The following CLDN5 variants were observed in gnomAD, a reference collection of about 807,000 sequenced individuals.
The protein encoded by CLDN5 is claudin 5, also known as claudin-5.
CLDN5 carries 4 observed loss-of-function variants against 1.3 expected under a neutral mutation model. That is an observed-to-expected ratio of 3.07 (90% confidence interval 1.51 to 7.03). The LOEUF (loss-of-function observed/expected upper bound fraction) is 7.03, where lower values mean the gene tolerates loss of function less well. Ranked by LOEUF, CLDN5 falls within the 30% of genes most tolerant of loss-of-function variation. CLDN5 has a pLI of 0.00. For missense variants in CLDN5, 225 were observed against 303.5 expected, an observed-to-expected ratio of 0.74 and a Z score of 1.92; for synonymous variants, 156 against 152.3, an observed-to-expected ratio of 1.02 and a Z score of -0.18.
upstream of CLDN5, chr22:19,524,511 C>T (rs1934189545): frequency 1.4e-6 from 2 of 1,411,508 alleles, no homozygotes; most frequent in African/African-American, 1.5e-5. Context: ...CGCGGGTCAT[C>T]GTGCCGCAGC....
upstream of CLDN5, chr22:19,524,638 T>C (rs1934192549): frequency 1.5e-6 from 2 of 1,339,406 alleles, no homozygotes; most frequent in East Asian, 3.1e-5. Flanking sequence ...GCCGTTGTCC[T>C]AGTCGCGGCC....
Position 19,523,375 on chromosome 22 carries a change from T to C in CLDN5, c.*224A>G, listed in dbSNP as rs369145616. 6.2e-4 allele frequency: 351 copies of C among 567,872 alleles called. 4 individuals are homozygous for C. The African/African-American group carries it at 6.5e-3, about 11-fold the overall frequency. The allele number at this position is 567,872 out of a possible 1,614,324, so 35.2% of individuals were successfully genotyped here. On this transcript the variant is annotated 3_prime_UTR_variant, in exon 1 of 1. Transcript: ENST00000618236. ...GCCGCGCACAGAAAAGGAAACTTCATTCCGTCTGTTAAGGGCAGGGCCGGG... is the reference window on the plus strand; with the variant it reads ...GCCGCGCACAGAAAAGGAAACTTCACTCCGTCTGTTAAGGGCAGGGCCGGG...
Position 19,523,643 on chromosome 22 carries a change from G to T in CLDN5, c.613C>A (p.Arg205=). ...SFPVKYSAPR[R]PTATGDYDKK... is the part of the protein sequence containing the mutation. ...TCGTAGTCGCCGGTGGCCGTGGGCC[G>T]CCGCGGCGCTGAGTACTTCACGGGG... Residue 205 remains arginine, a synonymous_variant, in exon 1 of 1, where the codon CGG becomes AGG. Coordinates refer to ENST00000618236, the MANE Select transcript of CLDN5 (RefSeq NM_001363066.2). 6.2e-7 allele frequency: 1 copy of T among 1,601,158 alleles called. No individual in the cohort carries two copies.
Position 19,523,917 on chromosome 22 carries a change from G to T in CLDN5, c.339C>A (p.Ala113=), listed in dbSNP as rs1288982718. Residue 113 remains alanine (A), a synonymous_variant, in exon 1 of 1, where the codon GCC becomes GCA. Coordinates refer to ENST00000618236, the MANE Select transcript of CLDN5 (RefSeq NM_001363066.2). ...QCTTCVAPGP[A]KARVALTGGV... ...CTCCCGTGAGGGCCACACGCGCCTT[G>T]GCCGGGCCCGGGGCCACGCAGGTGG... 3 of 1,599,886 alleles carry T rather than the reference G, an allele frequency of 1.9e-6. No homozygotes were observed. Among genetic ancestry groups the T allele is most frequent in the East Asian group, 2.2e-5 (1 of 44,612 alleles).
Position 19,524,406 on chromosome 22 carries a change from C to A in CLDN5, c.-151G>T, listed in dbSNP as rs918951561. 1 of 1,449,310 alleles carries A rather than the reference C, an allele frequency of 6.9e-7. No homozygotes were observed. Among genetic ancestry groups the A allele is most frequent in the South Asian group, 1.5e-5 (1 of 67,502 alleles). 89.8% of individuals were successfully genotyped at this position (1,449,310 alleles called of 1,614,324 possible). On this transcript the variant is annotated 5_prime_UTR_variant, in exon 1 of 1. Transcript: ENST00000618236. Reference sequence around the variant, plus strand: ...CGCGGGTCTGTCGCACCTCCTGGGTCTGCCAGCTCCTGCCGGGGGGTACCC... The same window carrying A: ...CGCGGGTCTGTCGCACCTCCTGGGTATGCCAGCTCCTGCCGGGGGGTACCC...
In CLDN5 at chr22:19,524,003, C is replaced by T. The variant is rs771950465; in HGVS notation, c.253G>A (p.Val85Met). 6.3e-7 allele frequency: 1 copy of T among 1,590,470 alleles called. No homozygotes were observed. The highest frequency in any genetic ancestry group is 8.5e-7 in the Non-Finnish European group (1 of 1,174,598). The part of the protein sequence containing the change: ...TEVQAARALT[V>M]SAVLLAFVAL... ...ACGAACGCCAGCAGCACGGCGCTCA[C>T]GGTGAGCGCCCGCGCCGCCTGCACC... The change falls in exon 1 of 1, where the codon GTG becomes ATG. Residue 85 changes from valine to methionine, a missense_variant. Val to Met is a conservative substitution (Grantham distance 21, BLOSUM62 1). Coordinates refer to ENST00000618236, the MANE Select transcript of CLDN5 (RefSeq NM_001363066.2).
chr22:19,524,631 G>T, upstream of CLDN5: 1 of 1,333,280 alleles, frequency 7.5e-7, no homozygotes, highest in Non-Finnish European at 9.6e-7. Context: ...CCCACCCGCC[G>T]TTGTCCTAGT....
In CLDN5 at chr22:19,523,162, G is replaced by A. The variant is rs1400024447; in HGVS notation, c.*437C>T. 4.8e-5 allele frequency: 8 copies of A among 167,108 alleles called. No individual in the cohort carries two copies. The highest frequency in any genetic ancestry group is 1.0e-4 in the Non-Finnish European group (8 of 79,196). 10.4% of individuals were successfully genotyped at this position (167,108 alleles called of 1,614,324 possible). On this transcript the variant is annotated 3_prime_UTR_variant, in exon 1 of 1. Coordinates refer to ENST00000618236, the MANE Select transcript of CLDN5 (RefSeq NM_001363066.2). ...GGTCCAGGCCAAGTCACTGGTCCCT[G>A]GGCTCGGGCCCTGCCGATGGAGTAA...
rs1417261113 is a variant in CLDN5, at chr22:19,523,991, G to T, written c.265C>A (p.Leu89Met). The T allele has an allele frequency of 1.3e-6, 2 of 1,589,116 alleles. No individual in the cohort carries two copies. The highest frequency in any genetic ancestry group is 2.2e-5 in the South Asian group (2 of 89,812). Residue 89 changes from leucine (L) to methionine (M), a missense_variant, in exon 1 of 1, where the codon CTG becomes ATG. Leu to Met is a conservative substitution (Grantham distance 15). Transcript: ENST00000618236. The part of the protein sequence containing the change: ...AARALTVSAV[L>M]LAFVALFVTL... Reference sequence around the variant, plus strand: ...ACGAAGAGCGCAACGAACGCCAGCAGCACGGCGCTCACGGTGAGCGCCCGC... The same window carrying T: ...ACGAAGAGCGCAACGAACGCCAGCATCACGGCGCTCACGGTGAGCGCCCGC...
upstream of CLDN5, chr22:19,525,039 C>A (rs1170473402): frequency 1.0e-6 from 1 of 1,002,484 alleles, no homozygotes; most frequent in African/African-American, 1.7e-5. Flanking sequence ...CAGCCTCACC[C>A]CCCATGCCAC....
In CLDN5 at chr22:19,524,035, C is replaced by G. The variant is rs1025878210; in HGVS notation, c.221G>C (p.Ser74Thr). The change falls in exon 1 of 1, where the codon AGC (serine) becomes ACC (threonine). Residue 74 changes from serine (S) to threonine (T), a missense_variant. Ser to Thr is a moderately conservative substitution (Grantham distance 58). Coordinates refer to ENST00000618236, the MANE Select transcript of CLDN5 (RefSeq NM_001363066.2). ...CGCCCGCGCCGCCTGCACCTCGGTG[C>G]TCAGAGCCAGCACCGAGTCGTACAC... is the stretch of plus-strand genomic sequence containing the variant. ...CKVYDSVLAL[S>T]TEVQAARALT... 1.9e-6 allele frequency: 3 copies of G among 1,600,494 alleles called. No homozygotes were observed. The highest frequency in any genetic ancestry group is 2.5e-6 in the Non-Finnish European group (3 of 1,178,668).
chr22:19,523,462 G>T lies in CLDN5; in HGVS notation c.*137C>A. On this transcript the variant is annotated 3_prime_UTR_variant, in exon 1 of 1. Transcript: ENST00000618236. ...GGAGCGGATCCAGGAGCCGCGTCGG[G>T]GCGCAGAGCCGGACGTTCCGAGGAG... 8.0e-7 allele frequency: 1 copy of T among 1,256,076 alleles called. No individual in the cohort carries two copies. The highest frequency in any genetic ancestry group is 1.1e-6 in the Non-Finnish European group (1 of 947,810). The allele number at this position is 1,256,076 out of a possible 1,614,324, so 77.8% of individuals were successfully genotyped here. A position where few individuals can be genotyped will look rare whatever the true frequency, so the allele number is the denominator to read the frequency against.
In CLDN5 at chr22:19,523,766, G is replaced by A. The variant is rs766950337; in HGVS notation, c.490C>T (p.Leu164=). The A allele has an allele frequency of 6.2e-7, 1 of 1,605,770 alleles. No individual in the cohort carries two copies. Among genetic ancestry groups the A allele is most frequent in the Non-Finnish European group, 8.5e-7 (1 of 1,176,904 alleles). Residue 164 remains leucine (L), a synonymous_variant, in exon 1 of 1, where the codon CTG becomes TTG. Coordinates refer to ENST00000618236, the MANE Select transcript of CLDN5 (RefSeq NM_001363066.2). ...VSQKYELGAA[L]YIGWAATALL... ...GCGGTGGCCGCCCAGCCGATGTACA[G>A]CGCTGCGCCCAGCTCGTACTTCTGC...
At chr22:19,524,946 CG>C, upstream of CLDN5, 1 of 1,021,552 alleles carries the variant, frequency 9.8e-7, no homozygotes, top group Non-Finnish European at 1.2e-6. Flanking sequence ...TCTCCAGCCC[CG>C]CTCTGAGTCC....
rs377594294 is a variant in CLDN5 at position 19,523,267 on chromosome 22, G to C, written c.*332C>G. 7.7e-4 allele frequency: 235 copies of C among 305,094 alleles called. 3 individuals carry two copies. In the South Asian group the frequency reaches 0.011, roughly 14 times the overall value. 18.9% of individuals were successfully genotyped at this position (305,094 alleles called of 1,614,324 possible). On this transcript the variant is annotated 3_prime_UTR_variant, in exon 1 of 1. Transcript: ENST00000618236. ...CGAAGTCAGCAGGAGCCTCTGGGAA[G>C]TAAGGCAGCAGCCAAGACCCCCAGC...
chr22:19,524,554 G>T (rs919692291), upstream of CLDN5: 1 of 1,387,638 alleles, frequency 7.2e-7, no homozygotes, highest in Non-Finnish European at 9.3e-7. Flanking sequence ...TGAAGTTAGG[G>T]AAACAACGGC....
rs774631274 is a variant in CLDN5, at chr22:19,524,197, C to T, written c.59G>A (p.Gly20Asp). 5 of 1,604,554 alleles carry T rather than the reference C, an allele frequency of 3.1e-6. No individual in the cohort carries two copies. Among genetic ancestry groups the T allele is most frequent in the African/African-American group, 1.3e-5 (1 of 74,824 alleles). The change falls in exon 1 of 1, where the codon GGT (glycine) becomes GAT (aspartate). Residue 20 changes from glycine to aspartate, a missense_variant. Around this residue, in one of 3 missense-constraint regions of CLDN5, gnomAD observed 41 missense variants for 40.5 expected, o/e 1.01. Transcript: ENST00000618236. ...GGGCAGCCCGCACGCCAGGATCAGA[C>T]CCCCCCAGCCCACCAGGCACAGCAC... is the stretch of plus-strand genomic sequence containing the variant. ...GLVLCLVGWG[G>D]LILACGLPMW...
At chr22:19,525,031 G>A (rs1934200536), upstream of CLDN5, 1 of 1,002,748 alleles carries the variant, frequency 1.0e-6, no homozygotes, top group East Asian at 1.1e-4. Flanking sequence ...CAGGGCCCCA[G>A]CCTCACCCCC....
chr22:19,525,123 C>A (rs148324558), upstream of CLDN5: 1,151 of 1,000,626 alleles, frequency 1.2e-3, 17 homozygotes, highest in African/African-American at 0.019. Context: ...CTGGCGACCC[C>A]CACTCTCCCA....
Sources: gnomAD v4.1 joint callset for allele counts on GRCh38, gnomAD v4.1.1 for gene constraint, gnomAD v4.1.1 regional missense constraint, MANE v1.5 for transcripts, NCBI Gene and HGNC (gene_info 2026-07-23, HGNC 2026-07-21) for gene names.